Variants in UCK2 observed in about 807,000 individuals in gnomAD.
UCK2 encodes the protein uridine-cytidine kinase 2.
Under a neutral mutation model 30.8 loss-of-function variants are expected in UCK2, and 6 were observed. The ratio of observed to expected loss-of-function variants is 0.19; its 90% CI spans 0.11 to 0.38. The LOEUF (loss-of-function observed/expected upper bound fraction) is 0.38, where lower values mean the gene tolerates loss of function less well. UCK2 is among the 10% of genes least tolerant of loss of function. UCK2 has a pLI of 1.00. For missense variants in UCK2, 210 were observed against 339.8 expected (o/e 0.62, Z 3.00); for synonymous variants, 125 against 133.6 (o/e 0.94, Z 0.45).
chr1:165,841,309 G>T (rs549007256), intron 1 of UCK2, among the ~76,000 whole-genome samples: 1 of 151,518 alleles, frequency 6.6e-6, no homozygotes, highest in Non-Finnish European at 1.5e-5. Context: ...TAAGCCTCCC[G>T]AGTAGCTGGG....
rs1647836471 is a variant in UCK2 at position 165,910,842 on chromosome 1, C to A, written c.*3019C>A. On this transcript the variant is annotated 3_prime_UTR_variant, in exon 7 of 7. Transcript: ENST00000367879. ...CTTGGCAATCATGGGGAAGTTGACT[C>A]CCCGCCTCACTTGGGCTTGGAGCTG... 6.6e-6 allele frequency: 1 copy of A among 152,234 alleles called. No individual in the cohort carries two copies. The highest frequency in any genetic ancestry group is 1.5e-5 in the Non-Finnish European group (1 of 68,084). 9.4% of individuals were successfully genotyped at this position (152,234 alleles called of 1,614,324 possible).
At position 165,895,993 on chromosome 1, in the gene UCK2, G is replaced by A. The variant is rs180694326; in HGVS notation, c.357-197G>A. ...AGTGGTCAAAGGAGACCTTTGTCCC[G>A]GCCGTGATCACCCTTGGCTCTTTGG... On this transcript the variant is annotated intron_variant, in intron 3 of 6. Coordinates refer to ENST00000367879, the MANE Select transcript of UCK2 (RefSeq NM_012474.5). The A allele has an allele frequency of 3.3e-5, 21 of 634,002 alleles. No individual in the cohort carries two copies. In the Admixed American group the frequency reaches 4.0e-4, roughly 12 times the overall value. 39.3% of individuals were successfully genotyped at this position (634,002 alleles called of 1,614,324 possible).
At chr1:165,848,604 G>A (rs1465561963) in intron 1 of UCK2, among the ~76,000 whole-genome samples, 1 of 151,778 alleles carries the variant, frequency 6.6e-6, no homozygotes, top group African/African-American at 2.4e-5. Flanking sequence ...CTGCACTCCA[G>A]CCTGGATGAC....
rs1655171143 is a variant in UCK2, at chr1:165,870,547, GTGTC to G, written c.100-19654_100-19651del. 3.3e-5 allele frequency among the ~76,000 whole-genome samples: 5 copies of G among 152,262 alleles called. No homozygotes were observed. In the South Asian group the frequency reaches 1.0e-3, roughly 32 times the overall value. On this transcript the variant is annotated intron_variant, in intron 1 of 6. Transcript: ENST00000367879. ...TGCTCACAGGAGTTTTTGAGCCTCA[GTGTC>G]TGGCTACAGGGTTCTGCTTTAATAT...
chr1:165,891,015 T>A, intron 2 of UCK2: 1 of 505,100 alleles, frequency 2.0e-6, no homozygotes, highest in Non-Finnish European at 3.6e-6. Flanking sequence ...AAAAAAGAAA[T>A]CTATTTGTCA....
chr1:165,864,984 G>A (rs1185701099), intron 1 of UCK2, among the ~76,000 whole-genome samples: 7 of 152,052 alleles, frequency 4.6e-5, no homozygotes, highest in Non-Finnish European at 8.8e-5. Flanking sequence ...ACTGTGTCTG[G>A]CCAAAATTGA....
chr1:165,879,779 G>C (rs911796245), intron 1 of UCK2, among the ~76,000 whole-genome samples: 3 of 152,042 alleles, frequency 2.0e-5, no homozygotes, highest in Admixed American at 2.0e-4. Flanking sequence ...AGGGAATTGA[G>C]ACAGCCAATA....
At chr1:165,868,384 T>G (rs1380216058) in intron 1 of UCK2, among the ~76,000 whole-genome samples, 1 of 152,212 alleles carries the variant, frequency 6.6e-6, no homozygotes, top group Non-Finnish European at 1.5e-5. Context: ...GGCATTGACT[T>G]CTCTAGCTGC....
intron 1 of UCK2, among the ~76,000 whole-genome samples, chr1:165,828,357 C>T (rs1653950949): frequency 6.6e-6 from 1 of 152,204 alleles, no homozygotes. Flanking sequence ...CGTGCTCGCC[C>T]CGCGGCGCAG....
intron 1 of UCK2, among the ~76,000 whole-genome samples, chr1:165,881,192 A>G (rs1434549117): frequency 1.3e-5 from 2 of 150,786 alleles, no homozygotes; most frequent in East Asian, 3.9e-4. Flanking sequence ...TAAAAAAAAA[A>G]AAAAAAAAAA....
At chr1:165,883,698 A>T (rs377693902) in intron 1 of UCK2, among the ~76,000 whole-genome samples, 16 of 152,166 alleles carry the variant, frequency 1.1e-4, no homozygotes, top group Non-Finnish European at 2.4e-4. Flanking sequence ...CTCTGGGGCC[A>T]TGCATGACTT....
At chr1:165,853,004 A>G (rs574766700) in intron 1 of UCK2, among the ~76,000 whole-genome samples, 1 of 152,216 alleles carries the variant, frequency 6.6e-6, no homozygotes, top group Non-Finnish European at 1.5e-5. Context: ...CTTTTCTTCT[A>G]AGTTGCCCCT....
At chr1:165,828,037 C>A in intron 1 of UCK2, 105 bp downstream of exon 1, 1 of 880,162 alleles carries the variant, frequency 1.1e-6, no homozygotes, top group Non-Finnish European at 1.5e-6. Context: ...CACCGCGTGG[C>A]CCGCGCGCCT....
At chr1:165,860,051 A>G (rs1210454230) in intron 1 of UCK2, among the ~76,000 whole-genome samples, 1 of 152,172 alleles carries the variant, frequency 6.6e-6, no homozygotes, top group Non-Finnish European at 1.5e-5. Flanking sequence ...GGTTCAAGCC[A>G]CCATCATATT....
intron 1 of UCK2, among the ~76,000 whole-genome samples, chr1:165,840,578 C>T (rs570587866): frequency 1.3e-5 from 2 of 152,294 alleles, no homozygotes; most frequent in African/African-American, 2.4e-5. Context: ...GGAATGGAGG[C>T]ATTGATAGTG....
intron 3 of UCK2, among the ~76,000 whole-genome samples, chr1:165,893,649 T>C (rs1006851170): frequency 9.2e-5 from 14 of 152,238 alleles, no homozygotes; most frequent in Non-Finnish European, 1.9e-4. Flanking sequence ...CTAGTTTCTT[T>C]CTGGGGCTTC....
chr1:165,855,538 T>C (rs2101861036), intron 1 of UCK2, among the ~76,000 whole-genome samples: 1 of 148,658 alleles, frequency 6.7e-6, no homozygotes, highest in Middle Eastern at 3.4e-3. Flanking sequence ...TCTTGCAAGC[T>C]CCTTCTGTCT....
intron 1 of UCK2, among the ~76,000 whole-genome samples, chr1:165,889,596 A>G (rs1018178296): frequency 1.3e-5 from 2 of 151,480 alleles, no homozygotes. Context: ...ACCTGACAGT[A>G]GTAAGCTGTG....
rs992122962 is a variant in UCK2, at chr1:165,842,290, A to G, written c.99+14358A>G. ...CCATGTTCTGTATTCTCCATTTGTC[A>G]GTGCTTCGCAGATTGGGTATTTCCT... is the stretch of plus-strand genomic sequence containing the variant. On this transcript the variant is annotated intron_variant, in intron 1 of 6. Coordinates refer to ENST00000367879, the MANE Select transcript of UCK2 (RefSeq NM_012474.5). 3.3e-5 allele frequency among the ~76,000 whole-genome samples: 5 copies of G among 152,076 alleles called. No individual in the cohort carries two copies. The South Asian group carries it at 1.0e-3, about 32-fold the overall frequency.
Sources: allele counts gnomAD v4.1 joint callset (sites outside exome capture counted in the v4.1 genomes callset), GRCh38; gene constraint gnomAD v4.1.1; transcripts MANE v1.5; gene names NCBI Gene and HGNC (gene_info 2026-07-23, HGNC 2026-07-21).